Variants in TLK1 observed in about 807,000 individuals in gnomAD.
TLK1 encodes the protein serine/threonine-protein kinase tousled-like 1.
A neutral mutation model predicts 105.3 loss-of-function variants in TLK1; 24 were observed. The ratio of observed to expected loss-of-function variants is 0.23; its 90% CI spans 0.17 to 0.32. The LOEUF is 0.32. Among genes scored for constraint, TLK1 ranks in the 10% least tolerant of loss-of-function variants. The pLI is 1.00. For synonymous variants in TLK1, 321 were observed against 310.4 expected, an observed-to-expected ratio of 1.03 and a Z score of -0.36; for missense variants, 558 against 910.5, an observed-to-expected ratio of 0.61 and a Z score of 4.98.
chr2:171,213,218 T>G (rs575714792), intron 1 of TLK1, among the ~76,000 whole-genome samples: 1 of 151,992 alleles, frequency 6.6e-6, no homozygotes, highest in Non-Finnish European at 1.5e-5. Flanking sequence ...TTTCTTTTTT[T>G]TTTTGAGACA....
intron 1 of TLK1, among the ~76,000 whole-genome samples, chr2:171,205,044 A>T (rs1693477714): frequency 6.6e-6 from 1 of 152,008 alleles, no homozygotes; most frequent in Non-Finnish European, 1.5e-5. Flanking sequence ...AATATGCTAT[A>T]TTCTTTAAAT....
At chr2:171,022,714 A>G (rs1019485873) in intron 12 of TLK1, among the ~76,000 whole-genome samples, 1 of 152,188 alleles carries the variant, frequency 6.6e-6, no homozygotes, top group Non-Finnish European at 1.5e-5. Flanking sequence ...CATTATTTTC[A>G]TATTTTCATT....
At chr2:171,125,292 T>C (rs1045147999) in intron 1 of TLK1, among the ~76,000 whole-genome samples, 1 of 152,212 alleles carries the variant, frequency 6.6e-6, no homozygotes, top group African/African-American at 2.4e-5. Flanking sequence ...ATATGATTAG[T>C]CTAGTTACTT....
chr2:171,002,131 C>T (rs1684407878), intron 18 of TLK1, among the ~76,000 whole-genome samples: 1 of 152,108 alleles, frequency 6.6e-6, no homozygotes, highest in Non-Finnish European at 1.5e-5. Context: ...AGCTGCTTCT[C>T]CTGTTATCTT....
intron 1 of TLK1, among the ~76,000 whole-genome samples, chr2:171,124,899 T>C (rs1056895667): frequency 1.3e-5 from 2 of 152,214 alleles, no homozygotes; most frequent in East Asian, 3.8e-4. Context: ...AACAACTGAA[T>C]TGTATCAATA....
chr2:171,017,519 T>A (rs1243438035), intron 12 of TLK1, among the ~76,000 whole-genome samples: 1 of 152,210 alleles, frequency 6.6e-6, no homozygotes, highest in Non-Finnish European at 1.5e-5. Context: ...CATAAATAAG[T>A]AAGATTCAAA....
chr2:171,046,536 T>C (rs577541083), intron 10 of TLK1, among the ~76,000 whole-genome samples, 174 bp from the exon 11 acceptor site: 14 of 152,328 alleles, frequency 9.2e-5, no homozygotes, highest in African/African-American at 3.4e-4. Flanking sequence ...TGAAAGAATT[T>C]TTTTAAGTGA....
intron 1 of TLK1, among the ~76,000 whole-genome samples, chr2:171,123,808 T>A (rs1690756591): frequency 2.0e-5 from 3 of 152,190 alleles, no homozygotes; most frequent in Admixed American, 2.0e-4. Context: ...GAGAGCACTT[T>A]TGCTTAAAAA....
intron 1 of TLK1, among the ~76,000 whole-genome samples, chr2:171,185,119 G>A (rs1003281853): frequency 7.2e-5 from 11 of 152,236 alleles, no homozygotes; most frequent in East Asian, 5.8e-4. Flanking sequence ...GATTACAGGC[G>A]TGAGCCACCG....
At chr2:171,079,990 C>A (rs1287642993) in intron 3 of TLK1, among the ~76,000 whole-genome samples, 1 of 151,662 alleles carries the variant, frequency 6.6e-6, no homozygotes, top group Non-Finnish European at 1.5e-5. Context: ...TTTCAGGAAT[C>A]CAGGGTGGGG....
intron 1 of TLK1, among the ~76,000 whole-genome samples, chr2:171,209,679 T>A (rs775000064): frequency 6.6e-6 from 1 of 152,154 alleles, no homozygotes; most frequent in Non-Finnish European, 1.5e-5. Flanking sequence ...AGTGAGGTCA[T>A]TAGGTGAGCC....
chr2:171,011,478 G>A, intron 13 of TLK1, 24 bp from the exon 14 acceptor site: 1 of 1,595,258 alleles, frequency 6.3e-7, no homozygotes, highest in Non-Finnish European at 8.6e-7. Context: ...GCAAAAAACA[G>A]ACATATTAAA....
intron 1 of TLK1, among the ~76,000 whole-genome samples, chr2:171,175,362 T>A (rs1175274547): frequency 6.6e-6 from 1 of 152,248 alleles, no homozygotes; most frequent in African/African-American, 2.4e-5. Flanking sequence ...GTACAGACTT[T>A]TCTTTTTTGT....
At chr2:171,027,980 T>C (rs954471931) in intron 12 of TLK1, among the ~76,000 whole-genome samples, 2 of 152,088 alleles carry the variant, frequency 1.3e-5, no homozygotes, top group Non-Finnish European at 2.9e-5. Flanking sequence ...CTGGTGAACA[T>C]GGCGAAACCC....
Position 171,155,066 on chromosome 2 carries a change from T to C in TLK1, c.139+5224A>G, listed in dbSNP as rs144020990. 5.1e-3 allele frequency among the ~76,000 whole-genome samples: 776 copies of C among 152,334 alleles called. 7 individuals are homozygous for C. Among genetic ancestry groups the C allele is most frequent in the African/African-American group, 0.017 (721 of 41,580 alleles). On this transcript the variant is annotated intron_variant, in intron 1 of 20. Coordinates refer to ENST00000431350, the MANE Select transcript of TLK1 (RefSeq NM_012290.5). ...AATTCTTCATTTTATGTTCTAGTTA[T>C]ACTTAATATGCATTTTAAATTCAAA...
At chr2:170,998,046 T>TTATCTATCTATC (rs869267964) in intron 18 of TLK1, among the ~76,000 whole-genome samples, 35 of 147,650 alleles carry the variant, frequency 2.4e-4, no homozygotes, top group African/African-American at 8.8e-4. Flanking sequence ...CTATCTATCT[T>TTATCTATCTATC]TATCTATCTA....
At chr2:171,194,967 T>C (rs888341448) in intron 1 of TLK1, among the ~76,000 whole-genome samples, 1 of 152,212 alleles carries the variant, frequency 6.6e-6, no homozygotes, top group Admixed American at 6.5e-5. Flanking sequence ...GCTCATTCAC[T>C]GCTCCTTTTC....
chr2:171,130,176 G>A (rs767685641), intron 1 of TLK1, among the ~76,000 whole-genome samples: 2 of 152,132 alleles, frequency 1.3e-5, no homozygotes, highest in Non-Finnish European at 2.9e-5. Context: ...GGCTGAGGCG[G>A]GCAGATCACA....
chr2:171,183,289 C>T (rs922899839), intron 1 of TLK1, among the ~76,000 whole-genome samples: 1 of 152,030 alleles, frequency 6.6e-6, no homozygotes, highest in Non-Finnish European at 1.5e-5. Context: ...GTGGGTGTTC[C>T]TCTCCATCCA....
Sources: gnomAD v4.1 joint callset for allele counts (sites outside exome capture counted in the v4.1 genomes callset) on GRCh38, gnomAD v4.1.1 for gene constraint, MANE v1.5 for transcripts, NCBI Gene and HGNC (gene_info 2026-07-23, HGNC 2026-07-21) for gene names.